The following UBASH3B variants were observed in gnomAD, a reference collection of about 807,000 sequenced individuals.
UBASH3B encodes ubiquitin-associated and SH3 domain-containing protein B.
In UBASH3B, 37 loss-of-function variants were observed where a neutral mutation model predicts 83.4. The observed-to-expected ratio is 0.44, with a 90% CI of 0.34 to 0.58. UBASH3B has a LOEUF of 0.58. UBASH3B is among the 20% of genes least tolerant of loss of function. UBASH3B has a pLI of 0.01. For missense variants in UBASH3B, 657 were observed against 827.2 expected (o/e 0.79, Z 2.52); for synonymous variants, 304 against 318.3 (o/e 0.96, Z 0.48).
rs1861429852 is a variant in UBASH3B at position 122,810,625 on chromosome 11, T to C, written c.*739T>C. On this transcript the variant is annotated 3_prime_UTR_variant, in exon 14 of 14. Coordinates refer to ENST00000284273, the MANE Select transcript of UBASH3B (RefSeq NM_032873.5). ...TGGATACTCAGGAGGAAAGATAAGA[T>C]ACATGTTTGAAGTATTCAATCATAG... 6.6e-6 allele frequency: 1 copy of C among 152,576 alleles called. No homozygotes were observed. The highest frequency in any genetic ancestry group is 2.4e-5 in the African/African-American group (1 of 41,434). The allele number at this position is 152,576 out of a possible 1,614,324, so 9.5% of individuals were successfully genotyped here.
At chr11:122,657,789 A>G (rs988780326) in intron 1 of UBASH3B, among the ~76,000 whole-genome samples, 2 of 152,174 alleles carry the variant, frequency 1.3e-5, no homozygotes, top group Non-Finnish European at 2.9e-5. Flanking sequence ...CCAGTTCCTG[A>G]TACCAGAATT....
intron 1 of UBASH3B, among the ~76,000 whole-genome samples, chr11:122,709,043 T>TC (rs1864159553): frequency 6.6e-6 from 1 of 152,158 alleles, no homozygotes; most frequent in Non-Finnish European, 1.5e-5. Context: ...GCCCAGGAGT[T>TC]CGAGACCAGC....
In UBASH3B at chr11:122,786,312, G is replaced by T. The variant is rs189867897; in HGVS notation, c.772-2788G>T. ...GATCCGCCTATCTCGGCCTCCCAAA[G>T]TGCTGGAATTACAGGTGTGAGCCAC... On this transcript the variant is annotated intron_variant, in intron 5 of 13. Coordinates refer to ENST00000284273, the MANE Select transcript of UBASH3B (RefSeq NM_032873.5). Among the ~76,000 whole-genome samples the T allele has an allele frequency of 3.3e-5, 5 of 151,800 alleles. No individual in the cohort carries two copies. In the East Asian group the frequency reaches 1.0e-3, roughly 30 times the overall value.
intron 1 of UBASH3B, among the ~76,000 whole-genome samples, chr11:122,670,973 G>A (rs1450738103): frequency 6.6e-6 from 1 of 151,992 alleles, no homozygotes; most frequent in Non-Finnish European, 1.5e-5. Context: ...ACGTTGCCCA[G>A]GCTGGTCTCG....
At chr11:122,807,407 G>A (rs1861360608) in intron 12 of UBASH3B, among the ~76,000 whole-genome samples, 1 of 152,150 alleles carries the variant, frequency 6.6e-6, no homozygotes, top group African/African-American at 2.4e-5. Context: ...TACGCTGTGT[G>A]TATTGTACCA....
intron 3 of UBASH3B, among the ~76,000 whole-genome samples, chr11:122,778,778 T>C (rs1309474012): frequency 1.3e-5 from 2 of 152,070 alleles, no homozygotes; most frequent in African/African-American, 2.4e-5. Flanking sequence ...CTAATTTTTG[T>C]ATTTTTAGTA....
At chr11:122,691,689 G>C (rs1294876039) in intron 1 of UBASH3B, among the ~76,000 whole-genome samples, 1 of 152,122 alleles carries the variant, frequency 6.6e-6, no homozygotes, top group Non-Finnish European at 1.5e-5. Context: ...CCAAAATGTG[G>C]GTATTTTACA....
At chr11:122,765,670 C>T (rs776939945) in intron 1 of UBASH3B, among the ~76,000 whole-genome samples, 6 of 152,176 alleles carry the variant, frequency 3.9e-5, no homozygotes, top group South Asian at 2.1e-4. Flanking sequence ...TGGCAACCAC[C>T]GCCTGATGGA....
chr11:122,706,356 A>G (rs548988099), intron 1 of UBASH3B, among the ~76,000 whole-genome samples: 2 of 152,174 alleles, frequency 1.3e-5, no homozygotes, highest in African/African-American at 2.4e-5. Flanking sequence ...CTCCATTGCT[A>G]TACACTTTTG....
intron 1 of UBASH3B, among the ~76,000 whole-genome samples, chr11:122,698,570 G>A (rs1450016878): frequency 6.6e-6 from 1 of 152,158 alleles, no homozygotes; most frequent in Non-Finnish European, 1.5e-5. Context: ...TGGGGCATAT[G>A]TTTGGTAAGG....
In UBASH3B at chr11:122,749,671, A is replaced by G. The variant is rs533285226; in HGVS notation, c.162-26548A>G. Among the ~76,000 whole-genome samples the G allele has an allele frequency of 1.8e-4, 28 of 152,316 alleles. No individual in the cohort carries two copies. In the South Asian group the frequency reaches 5.6e-3, roughly 30 times the overall value. On this transcript the variant is annotated intron_variant, in intron 1 of 13. Coordinates refer to ENST00000284273, the MANE Select transcript of UBASH3B (RefSeq NM_032873.5). ...TCCATGGGTCTGACCACTGCACCAC[A>G]CTGTCTTCTAACTCTAACAGAGTAA...
Position 122,727,818 on chromosome 11 carries a change from C to G in UBASH3B, c.162-48401C>G, listed in dbSNP as rs1230715172. ...CAAAGCCTTGCCAGCTTCGTGAATT[C>G]AAGAAATCCTTGTTTCCACCCAAAG... On this transcript the variant is annotated intron_variant, in intron 1 of 13. Transcript: ENST00000284273. 2.0e-5 allele frequency among the ~76,000 whole-genome samples: 3 copies of G among 152,218 alleles called. No homozygotes were observed. In the East Asian group the frequency reaches 5.8e-4, roughly 29 times the overall value.
At chr11:122,682,351 A>G (rs1184111006) in intron 1 of UBASH3B, among the ~76,000 whole-genome samples, 1 of 152,094 alleles carries the variant, frequency 6.6e-6, no homozygotes, top group Non-Finnish European at 1.5e-5. Context: ...CAGTTATTTG[A>G]TATGGATGAT....
Position 122,811,735 on chromosome 11 carries a change from T to G in UBASH3B, c.*1849T>G, listed in dbSNP as rs1861451823. 1 of 152,188 alleles carries G rather than the reference T, an allele frequency of 6.6e-6. No homozygotes were observed. Among genetic ancestry groups the G allele is most frequent in the African/African-American group, 2.4e-5 (1 of 41,454 alleles). 9.4% of individuals were successfully genotyped at this position (152,188 alleles called of 1,614,324 possible). A position where few individuals can be genotyped will look rare whatever the true frequency, so the allele number is the denominator to read the frequency against. On this transcript the variant is annotated 3_prime_UTR_variant, in exon 14 of 14. Transcript: ENST00000284273. ...GCGTTGCGCAAACACTGACCCAGCT[T>G]CTGGGTATGGAAATAACCCTGTGAT...
At chr11:122,785,312 G>C (rs536177518) in intron 5 of UBASH3B, among the ~76,000 whole-genome samples, 11 of 152,088 alleles carry the variant, frequency 7.2e-5, no homozygotes, top group Non-Finnish European at 1.6e-4. Flanking sequence ...AGGTCTTTCG[G>C]TCCTACCTGA....
At position 122,806,535 on chromosome 11, in the gene UBASH3B, A is replaced by G. The variant is rs1355416948; in HGVS notation, c.1702+19A>G. 1.9e-6 allele frequency: 3 copies of G among 1,591,058 alleles called. No individual in the cohort carries two copies. In the East Asian group the frequency reaches 6.8e-5, roughly 36 times the overall value. The stretch of plus-strand genomic sequence containing the variant: ...AGTAAAGGTAAGTGGTATTATTCTG[A>G]ACTCCATCTGTACATACGTGATTAT... On this transcript the variant is annotated intron_variant, in intron 12 of 13. Coordinates refer to ENST00000284273, the MANE Select transcript of UBASH3B (RefSeq NM_032873.5). This position sits in a 1 kb window ranked among gnomAD's most constrained non-coding sequence, Gnocchi z 4.0.
At chr11:122,788,869 G>A (rs1861001371) in intron 5 of UBASH3B, among the ~76,000 whole-genome samples, 1 of 152,190 alleles carries the variant, frequency 6.6e-6, no homozygotes, top group Admixed American at 6.5e-5. Flanking sequence ...CATGCCTGAA[G>A]AAAAGTATGA....
chr11:122,675,266 A>G (rs1466577585), intron 1 of UBASH3B, among the ~76,000 whole-genome samples: 3 of 152,230 alleles, frequency 2.0e-5, no homozygotes, highest in Non-Finnish European at 4.4e-5. Context: ...AATAAGCATT[A>G]CTGGCAATGC....
intron 4 of UBASH3B, among the ~76,000 whole-genome samples, 200 bp downstream of exon 4, chr11:122,779,895 T>A (rs1860820590): frequency 6.6e-6 from 1 of 152,194 alleles, no homozygotes; most frequent in South Asian, 2.1e-4. Context: ...CAACCCCTCT[T>A]CTGCTGACCT....
Sources: gnomAD v4.1 joint callset for allele counts (sites outside exome capture counted in the v4.1 genomes callset) on GRCh38, gnomAD v4.1.1 for gene constraint, Gnocchi (gnomAD v3.1) non-coding constraint, MANE v1.5 for transcripts, NCBI Gene and HGNC (gene_info 2026-07-23, HGNC 2026-07-21) for gene names.